The following VWA3A variants were observed in gnomAD, a reference collection of about 807,000 sequenced individuals.
The protein encoded by VWA3A is von Willebrand factor A domain-containing protein 3A.
A neutral mutation model predicts 160.4 loss-of-function variants in VWA3A; 134 were observed. The observed-to-expected ratio is 0.84, with a 90% CI of 0.73 to 0.96. The LOEUF (loss-of-function observed/expected upper bound fraction) is 0.96, where lower values mean the gene tolerates loss of function less well. Ranked by LOEUF, VWA3A falls within the 40% of genes least tolerant of loss-of-function variation. The pLI is 0.00. For missense variants in VWA3A, 1,310 were observed against 1,447.9 expected, an observed-to-expected ratio of 0.90 and a Z score of 1.55; for synonymous variants, 476 against 543.4, an observed-to-expected ratio of 0.88 and a Z score of 1.72.
chr16:22,149,979 A>G (rs1444459601), intron 29 of VWA3A, 48 bp downstream of exon 29: 1 of 1,564,318 alleles, frequency 6.4e-7, no homozygotes, highest in Non-Finnish European at 8.7e-7. Flanking sequence ...AAATACCATC[A>G]TCCCCTATGC....
In VWA3A at chr16:22,149,776, C is replaced by T. The variant is rs1412983298; in HGVS notation, c.2985-11C>T. The stretch of plus-strand genomic sequence containing the variant: ...TCTCTGCCCCTCACCTCCTCTTTTC[C>T]TCCTCCCCAGTTTTAACCTGCTCAG... On this transcript the variant is annotated splice_polypyrimidine_tract_variant and intron_variant, in intron 28 of 33. Transcript: ENST00000389398. 6.3e-7 allele frequency: 1 copy of T among 1,585,026 alleles called. No individual in the cohort carries two copies. The highest frequency in any genetic ancestry group is 8.6e-7 in the Non-Finnish European group (1 of 1,159,604).
chr16:22,100,398 A>G lies in VWA3A; in HGVS notation c.351-18A>G, dbSNP rs2045390543. ...CCCTGGGCCCGAGAGATCCCCTCAT[A>G]AGGCTTTGCTTCTTCAGGGAGGAGG... On this transcript the variant is annotated intron_variant, in intron 4 of 33. Transcript: ENST00000389398. The G allele has an allele frequency of 6.4e-7, 1 of 1,551,608 alleles. No individual in the cohort carries two copies. Among genetic ancestry groups the G allele is most frequent in the South Asian group, 1.2e-5 (1 of 84,054 alleles).
intron 1 of VWA3A, among the ~76,000 whole-genome samples, chr16:22,096,215 C>A (rs1474551952): frequency 6.6e-6 from 1 of 152,166 alleles, no homozygotes; most frequent in Non-Finnish European, 1.5e-5. Context: ...GTTGAGAAAG[C>A]TTTATCTTGT....
At chr16:22,154,329 T>TC (rs2046401225) in intron 31 of VWA3A, among the ~76,000 whole-genome samples, 1 of 135,528 alleles carries the variant, frequency 7.4e-6, no homozygotes, top group Non-Finnish European at 1.6e-5. Flanking sequence ...TTTTCTTTTT[T>TC]TTTTTTTTTT....
In VWA3A at chr16:22,097,703, C is replaced by A; in HGVS notation, c.225+8C>A. 1 of 1,551,202 alleles carries A rather than the reference C, an allele frequency of 6.4e-7. No individual in the cohort carries two copies. The highest frequency in any genetic ancestry group is 8.7e-7 in the Non-Finnish European group (1 of 1,146,690). ...CAGACACAGGACTTACTGGTAAAGA[C>A]CATGGCACTTTAACTGGGTCGTGAT... On this transcript the variant is annotated splice_region_variant and intron_variant, in intron 3 of 33. Coordinates refer to ENST00000389398, the MANE Select transcript of VWA3A (RefSeq NM_173615.5).
intron 17 of VWA3A, among the ~76,000 whole-genome samples, chr16:22,129,060 G>C (rs543510803): frequency 5.3e-5 from 8 of 151,878 alleles, no homozygotes; most frequent in Non-Finnish European, 1.0e-4. Flanking sequence ...ACCTGCACAC[G>C]TACCCCTGAG....
At chr16:22,109,180 G>T (rs1249236419) in intron 6 of VWA3A, among the ~76,000 whole-genome samples, 1 of 152,106 alleles carries the variant, frequency 6.6e-6, no homozygotes, top group Middle Eastern at 3.4e-3. Flanking sequence ...TCAAACAAAG[G>T]GTGCTTTTCT....
At chr16:22,103,564 C>A in intron 6 of VWA3A, 35 bp downstream of exon 6, 1 of 1,548,746 alleles carries the variant, frequency 6.5e-7, no homozygotes, top group Non-Finnish European at 8.7e-7. Flanking sequence ...TGCCCCCTTT[C>A]ACTCATTCCA....
Position 22,131,276 on chromosome 16 carries a change from G to C in VWA3A, c.1724G>C (p.Trp575Ser). The C allele has an allele frequency of 6.2e-7, 1 of 1,613,934 alleles. No homozygotes were observed. The highest frequency in any genetic ancestry group is 8.5e-7 in the Non-Finnish European group (1 of 1,179,878). Residue 575 changes from tryptophan to serine, a missense_variant, in exon 18 of 34, where the codon TGG (tryptophan) becomes TCG (serine). Trp to Ser is a radical substitution (Grantham distance 177). Transcript: ENST00000389398. ...AGTCACAACAATTTACAAAGTGCCTGGCGGTAGGTTATGGGCAGAGACTTC... is the reference window on the plus strand; with the variant it reads ...AGTCACAACAATTTACAAAGTGCCTCGCGGTAGGTTATGGGCAGAGACTTC... Reference protein sequence around the residue: ...PVSHNNLQSAWRWALNLRCRG... With the variant: ...PVSHNNLQSASRWALNLRCRG...
intron 20 of VWA3A, among the ~76,000 whole-genome samples, chr16:22,134,139 AT>A (rs990591263): frequency 4.0e-5 from 6 of 151,202 alleles, no homozygotes; most frequent in South Asian, 2.1e-4. Flanking sequence ...AATTTTTTAA[AT>A]TTTTTTTTAT....
At chr16:22,105,406 C>T (rs891648782) in intron 6 of VWA3A, among the ~76,000 whole-genome samples, 9 of 152,152 alleles carry the variant, frequency 5.9e-5, no homozygotes, top group Admixed American at 5.2e-4. Context: ...GCCAGATAAT[C>T]GCTGGTCCCT....
At chr16:22,124,984 G>C (rs2045816543) in intron 16 of VWA3A, among the ~76,000 whole-genome samples, 2 of 152,104 alleles carry the variant, frequency 1.3e-5, no homozygotes, top group South Asian at 4.1e-4. Flanking sequence ...TCTTAAAACA[G>C]AAAGAGAGCA....
chr16:22,097,545 T>A, intron 2 of VWA3A, 27 bp from the exon 3 acceptor site: 1 of 1,550,074 alleles, frequency 6.5e-7, no homozygotes, highest in Non-Finnish European at 8.7e-7. Flanking sequence ...TGCTGGGGCA[T>A]TGATCAAATT....
intron 5 of VWA3A, among the ~76,000 whole-genome samples, chr16:22,102,023 G>T (rs990956870): frequency 5.3e-5 from 8 of 152,158 alleles, no homozygotes; most frequent in Non-Finnish European, 1.2e-4. Context: ...CTAGTAGATG[G>T]CAGAGCTGTA....
rs569069206 is a variant in VWA3A, at chr16:22,113,363, CTTTTTTTTTTT to C, written c.690-1961_690-1951del. On this transcript the variant is annotated intron_variant, in intron 8 of 33. Coordinates refer to ENST00000389398, the MANE Select transcript of VWA3A (RefSeq NM_173615.5). ...TGCTCCACAATGCCTGGCTAATTTT[CTTTTTTTTTTT>C]TTTTTTTTTTTTTTTTTTTTTTGTA... 4.5e-4 allele frequency among the ~76,000 whole-genome samples: 21 copies of C among 46,260 alleles called. 1 individual carries two copies. In the East Asian group the frequency reaches 5.0e-3, roughly 11 times the overall value. 30.3% of individuals were successfully genotyped at this position (46,260 alleles called of 152,430 possible).
intron 12 of VWA3A, among the ~76,000 whole-genome samples, chr16:22,120,627 C>T (rs1259887621): frequency 6.6e-6 from 1 of 152,152 alleles, no homozygotes; most frequent in East Asian, 1.9e-4. Flanking sequence ...CACAGGGTGG[C>T]CAGGTGGGAG....
chr16:22,096,574 G>A (rs969803232), intron 1 of VWA3A, among the ~76,000 whole-genome samples: 10 of 152,038 alleles, frequency 6.6e-5, no homozygotes, highest in Non-Finnish European at 1.0e-4. Context: ...GTGAGACCCC[G>A]TCTCTACAGT....
rs1354191602 is a variant in VWA3A at position 22,150,842 on chromosome 16, G to A, written c.3277G>A (p.Asp1093Asn). 1 of 1,612,888 alleles carries A rather than the reference G, an allele frequency of 6.2e-7. No individual in the cohort carries two copies. Among genetic ancestry groups the A allele is most frequent in the Admixed American group, 1.7e-5 (1 of 59,826 alleles). The change falls in exon 30 of 34, where the codon GAC becomes AAC. Residue 1093 changes from aspartate to asparagine, a missense_variant. Asp to Asn is a conservative substitution (Grantham distance 23). Coordinates refer to ENST00000389398, the MANE Select transcript of VWA3A (RefSeq NM_173615.5). ...KVHTISLNCSDRAAVEFLRKL... is the reference protein window; with the variant it reads ...KVHTISLNCSNRAAVEFLRKL... ...GCACACCATTTCCTTGAACTGCTCA[G>A]ACAGGTGCGCAATATGGAGTCTGAC...
chr16:22,123,778 A>T, intron 16 of VWA3A, 71 bp downstream of exon 16: 1 of 1,396,736 alleles, frequency 7.2e-7, no homozygotes, highest in Non-Finnish European at 9.9e-7. Flanking sequence ...CCGCCTCATG[A>T]ATTCCCTGTT....
Sources: gnomAD v4.1 joint callset for allele counts (sites outside exome capture counted in the v4.1 genomes callset) on GRCh38, gnomAD v4.1.1 for gene constraint, MANE v1.5 for transcripts, NCBI Gene and HGNC (gene_info 2026-07-23, HGNC 2026-07-21) for gene names.